The following SMAD1 variants were observed in gnomAD, a reference collection of about 807,000 sequenced individuals.
SMAD1 encodes SMAD family member 1, also known as MAD, mothers against decapentaplegic homolog 1.
In SMAD1, 6 loss-of-function variants were observed where a neutral mutation model predicts 41.6. That is an observed-to-expected ratio of 0.14 (90% CI 0.08 to 0.28). The LOEUF (loss-of-function observed/expected upper bound fraction) is 0.28. SMAD1 is among the 10% of genes least tolerant of loss of function. SMAD1 has a pLI of 1.00. For missense variants in SMAD1, 379 were observed against 582.6 expected (o/e 0.65, Z 3.60); for synonymous variants, 206 against 203.2 (o/e 1.01, Z -0.12).
At chr4:145,528,209 T>G (rs2126472832) in intron 2 of SMAD1, among the ~76,000 whole-genome samples, 1 of 152,210 alleles carries the variant, frequency 6.6e-6, no homozygotes, top group East Asian at 1.9e-4. Context: ...GTTTAAGTGA[T>G]TCTCCTGCCT....
chr4:145,539,035 A>G (rs1462527800), intron 2 of SMAD1, among the ~76,000 whole-genome samples: 1 of 152,178 alleles, frequency 6.6e-6, no homozygotes, highest in Non-Finnish European at 1.5e-5. Flanking sequence ...TTTGCTTCTC[A>G]ACAGGTGCCT....
chr4:145,557,691 T>C (rs1341337302), intron 6 of SMAD1, 100 bp from the exon 7 acceptor site: 1 of 880,356 alleles, frequency 1.1e-6, no homozygotes, highest in Non-Finnish European at 1.7e-6. Context: ...GAAAGATGCA[T>C]AGCTTTAATC....
intron 1 of SMAD1, among the ~76,000 whole-genome samples, chr4:145,501,707 G>T (rs1729451494): frequency 6.9e-6 from 1 of 145,514 alleles, no homozygotes; most frequent in Non-Finnish European, 1.5e-5. Context: ...CTGTGAATTT[G>T]ATATTTGGAT....
intron 1 of SMAD1, among the ~76,000 whole-genome samples, chr4:145,498,986 C>G (rs1340832079): frequency 6.6e-6 from 1 of 152,150 alleles, no homozygotes; most frequent in African/African-American, 2.4e-5. Flanking sequence ...TCCCATAAAC[C>G]TTTTACCTCT....
At chr4:145,526,018 A>C (rs1578791954) in intron 2 of SMAD1, among the ~76,000 whole-genome samples, 2 of 152,184 alleles carry the variant, frequency 1.3e-5, no homozygotes, top group East Asian at 3.9e-4. Context: ...TGGTTCTAAA[A>C]CAGCTCTCCA....
chr4:145,490,873 T>G (rs1048143214), intron 1 of SMAD1, among the ~76,000 whole-genome samples: 1 of 152,242 alleles, frequency 6.6e-6, no homozygotes, highest in Non-Finnish European at 1.5e-5. Flanking sequence ...GTATTCTGAA[T>G]TTTTCTGTGG....
rs34142651 is a variant in SMAD1 at position 145,558,079 on chromosome 4, C to CA, written c.*160dup. On this transcript the variant is annotated 3_prime_UTR_variant, in exon 7 of 7. Transcript: ENST00000302085. ...CAACTGTTGGATTCAGAAATTTAAA[C>CA]AAAAAAAAAAAAAAACACACACACC... is the stretch of plus-strand genomic sequence containing the variant. The CA allele has an allele frequency of 0.34, 94,712 of 279,956 alleles. 9,071 individuals are homozygous for CA. The highest frequency in any genetic ancestry group is 0.39 in the Non-Finnish European group (62,581 of 158,628). The allele number at this position is 279,956 out of a possible 1,614,324, so 17.3% of individuals were successfully genotyped here. A position where few individuals can be genotyped will look rare whatever the true frequency, so the allele number is the denominator to read the frequency against.
intron 1 of SMAD1, among the ~76,000 whole-genome samples, chr4:145,505,529 GA>G (rs572192674): frequency 2.6e-3 from 392 of 151,650 alleles, no homozygotes; most frequent in African/African-American, 9.3e-3. Context: ...TGAGGCAGGA[GA>G]ATGGTGTGAA....
intron 2 of SMAD1, among the ~76,000 whole-genome samples, chr4:145,536,001 T>A (rs1399324929): frequency 6.7e-6 from 1 of 149,274 alleles, no homozygotes; most frequent in Non-Finnish European, 1.5e-5. Context: ...AAAAAAAAAA[T>A]TAAAGAGAAT....
intron 1 of SMAD1, chr4:145,497,075 T>G (rs978007095): frequency 9.2e-5 from 14 of 152,262 alleles, no homozygotes; most frequent in African/African-American, 3.4e-4. Context: ...CTCTAGAATT[T>G]ACTATGTTCT....
chr4:145,536,674 A>G (rs538112833), intron 2 of SMAD1, among the ~76,000 whole-genome samples: 15 of 152,252 alleles, frequency 9.9e-5, no homozygotes, highest in Non-Finnish European at 2.1e-4. Context: ...GTTCACAACC[A>G]TTATAGCAAA....
intron 5 of SMAD1, among the ~76,000 whole-genome samples, chr4:145,551,199 G>A (rs1018175973): frequency 6.6e-6 from 1 of 152,148 alleles, no homozygotes; most frequent in African/African-American, 2.4e-5. Context: ...AGACTATACT[G>A]TTATAAAAAT....
chr4:145,545,484 A>G (rs1230515826), intron 4 of SMAD1: 1 of 151,926 alleles, frequency 6.6e-6, no homozygotes. Flanking sequence ...GTATGTTTTT[A>G]GCTAACTACT....
chr4:145,505,311 A>G (rs1365815112), intron 1 of SMAD1, among the ~76,000 whole-genome samples: 3 of 152,224 alleles, frequency 2.0e-5, no homozygotes, highest in African/African-American at 7.2e-5. Context: ...GTTAGGATAG[A>G]TGACACATAC....
At chr4:145,516,718 A>G (rs956344011) in intron 2 of SMAD1, among the ~76,000 whole-genome samples, 2 of 152,234 alleles carry the variant, frequency 1.3e-5, no homozygotes, top group East Asian at 3.8e-4. Context: ...CTAGCCAGAA[A>G]TGGAAATGGA....
In SMAD1 at chr4:145,558,169, C is replaced by G. The variant is rs1235560789; in HGVS notation, c.*235C>G. 2 of 337,626 alleles carry G rather than the reference C, an allele frequency of 5.9e-6. No homozygotes were observed. Among genetic ancestry groups the G allele is most frequent in the African/African-American group, 4.2e-5 (2 of 47,218 alleles). 20.9% of individuals were successfully genotyped at this position (337,626 alleles called of 1,614,324 possible). ...ACATTGTAACATTCTATTGTAAAAT[C>G]AACTAAAATTCAGACTTTTAGCAGG... On this transcript the variant is annotated 3_prime_UTR_variant, in exon 7 of 7. Transcript: ENST00000302085.
At chr4:145,522,576 G>A (rs902167567) in intron 2 of SMAD1, among the ~76,000 whole-genome samples, 2 of 152,110 alleles carry the variant, frequency 1.3e-5, no homozygotes, top group African/African-American at 4.8e-5. Context: ...TTCAGCCTGG[G>A]CAACAAAAGC....
chr4:145,553,955 A>T lies in SMAD1; in HGVS notation c.1169A>T (p.Gln390Leu). The change falls in exon 6 of 7, where the codon CAG becomes CTG. Residue 390 changes from glutamine to leucine, a missense_variant. This residue lies in a region of SMAD1 where 107 missense variants were observed against 218.3 expected (regional missense o/e 0.49). Coordinates refer to ENST00000302085, the MANE Select transcript of SMAD1 (RefSeq NM_005900.3). ...ATTTTTAACAACCAAGAATTTGCTC[A>T]GTTATTGGCACAGTCTGTGAACCAT... ...LKIFNNQEFA[Q>L]LLAQSVNHGF... 1 of 1,614,082 alleles carries T rather than the reference A, an allele frequency of 6.2e-7. No individual in the cohort carries two copies. The highest frequency in any genetic ancestry group is 8.5e-7 in the Non-Finnish European group (1 of 1,179,968).
At chr4:145,522,809 A>G (rs1286061399) in intron 2 of SMAD1, among the ~76,000 whole-genome samples, 2 of 151,710 alleles carry the variant, frequency 1.3e-5, no homozygotes, top group African/African-American at 4.8e-5. Context: ...CCTCCTCAGT[A>G]GCTGGGATTA....
Sources: allele counts gnomAD v4.1 joint callset (sites outside exome capture counted in the v4.1 genomes callset), GRCh38; gene constraint gnomAD v4.1.1; regional missense constraint gnomAD v4.1.1; transcripts MANE v1.5; gene names NCBI Gene and HGNC (gene_info 2026-07-23, HGNC 2026-07-21).